METTL16: variants seen among roughly 807,000 people sequenced by gnomAD.
The protein encoded by METTL16 is RNA N(6)-adenosine-methyltransferase METTL16.
METTL16 carries 19 observed loss-of-function variants against 57.9 expected under a neutral mutation model. That is an observed-to-expected ratio of 0.33 (90% CI 0.23 to 0.48). METTL16 has a LOEUF of 0.48. METTL16 is among the 20% of genes least tolerant of loss of function. The probability of loss-of-function intolerance (pLI) is 0.99; values close to 1 mark genes in which losing one functional copy is unlikely to be tolerated. For missense variants in METTL16, 434 were observed against 691.5 expected, an observed-to-expected ratio of 0.63 and a Z score of 4.18; for synonymous variants, 246 against 255.6, an observed-to-expected ratio of 0.96 and a Z score of 0.36.
chr17:2,497,074 C>T (rs1028742589), intron 2 of METTL16, among the ~76,000 whole-genome samples: 7 of 151,466 alleles, frequency 4.6e-5, no homozygotes, highest in Admixed American at 4.6e-4. Flanking sequence ...GGCACAATCT[C>T]GGCTCACTGC....
At chr17:2,425,363 A>C (rs1399440113) in intron 8 of METTL16, among the ~76,000 whole-genome samples, 2 of 152,196 alleles carry the variant, frequency 1.3e-5, no homozygotes, top group Admixed American at 6.6e-5. Flanking sequence ...TCTACCCCAA[A>C]ACCAATCATT....
intron 8 of METTL16, among the ~76,000 whole-genome samples, chr17:2,421,891 G>C (rs528329766): frequency 6.6e-6 from 1 of 152,130 alleles, no homozygotes; most frequent in African/African-American, 2.4e-5. Flanking sequence ...TGACACCGGC[G>C]CTGATGAGAA....
intron 2 of METTL16, among the ~76,000 whole-genome samples, chr17:2,499,642 C>T (rs556900808): frequency 6.6e-6 from 1 of 152,212 alleles, no homozygotes; most frequent in South Asian, 2.1e-4. Flanking sequence ...AAAGAAAATA[C>T]CTGAAGTCCT....
At chr17:2,456,152 A>T (rs72805752) in intron 6 of METTL16, among the ~76,000 whole-genome samples, 1 of 152,036 alleles carries the variant, frequency 6.6e-6, no homozygotes, top group East Asian at 1.9e-4. Context: ...TTTAATTGCA[A>T]AAACGCTGCA....
rs909692416 is a variant in METTL16, at chr17:2,420,303, C to T, written c.1356G>A (p.Glu452=). ...CCGGGTTTTCCTCCTGGGACAGGGA[C>T]TCCTGGCTCGGGCACGGGCCCTCCA... ...AAVEGPCPSQ[E]SLSQEENPEP... is the part of the protein sequence containing the mutation. The change falls in exon 10 of 10, where the codon GAG becomes GAA. Residue 452 remains glutamate, a synonymous_variant. Coordinates refer to ENST00000263092, the MANE Select transcript of METTL16 (RefSeq NM_024086.4). This position sits in a 1 kb window ranked among gnomAD's most constrained non-coding sequence, Gnocchi z 5.4. 1 of 1,612,812 alleles carries T rather than the reference C, an allele frequency of 6.2e-7. No individual in the cohort carries two copies. The highest frequency in any genetic ancestry group is 8.5e-7 in the Non-Finnish European group (1 of 1,180,032).
chr17:2,434,933 T>G (rs571274895), intron 8 of METTL16, among the ~76,000 whole-genome samples: 38 of 152,312 alleles, frequency 2.5e-4, no homozygotes, highest in African/African-American at 8.4e-4. Context: ...CCCCTTTTTC[T>G]CCTAACAAAC....
At chr17:2,471,657 C>T (rs1054462162) in intron 4 of METTL16, among the ~76,000 whole-genome samples, 3 of 151,950 alleles carry the variant, frequency 2.0e-5, no homozygotes, top group Admixed American at 6.6e-5. Context: ...GGCACGGTGG[C>T]GGGCGCCTGT....
chr17:2,492,092 T>A (rs1379684891), intron 2 of METTL16, among the ~76,000 whole-genome samples: 2 of 150,662 alleles, frequency 1.3e-5, no homozygotes, highest in Non-Finnish European at 2.9e-5. Context: ...GTGCCTGTAG[T>A]CCCAGCTACT....
At chr17:2,473,705 G>A (rs1376468147) in intron 3 of METTL16, 41 bp from the exon 4 acceptor site, 2 of 1,586,640 alleles carry the variant, frequency 1.3e-6, no homozygotes, top group Non-Finnish European at 8.6e-7. Flanking sequence ...ACACACCAGA[G>A]GGAAAGGTTA....
chr17:2,432,983 C>T (rs893214861), intron 8 of METTL16, among the ~76,000 whole-genome samples: 4 of 152,208 alleles, frequency 2.6e-5, no homozygotes, highest in Admixed American at 1.3e-4. Context: ...GCCTTTTCCA[C>T]ACCTATGCAA....
intron 1 of METTL16, among the ~76,000 whole-genome samples, chr17:2,507,496 G>A (rs1253180443): frequency 2.8e-5 from 4 of 144,790 alleles, no homozygotes; most frequent in South Asian, 2.2e-4. Flanking sequence ...CTGTCCGGGA[G>A]GGAGGTGGGG....
At chr17:2,461,723 C>A (rs952343225) in intron 6 of METTL16, among the ~76,000 whole-genome samples, 1 of 151,872 alleles carries the variant, frequency 6.6e-6, no homozygotes, top group Non-Finnish European at 1.5e-5. Flanking sequence ...ATTACAGGCG[C>A]CTGCCACCAC....
intron 6 of METTL16, among the ~76,000 whole-genome samples, chr17:2,456,189 A>T (rs1354667832): frequency 6.6e-6 from 1 of 152,112 alleles, no homozygotes; most frequent in African/African-American, 2.4e-5. Flanking sequence ...CTGGTACACC[A>T]TCTGTCCCCA....
At position 2,491,672 on chromosome 17, in the gene METTL16, G is replaced by A. The variant is rs184990816; in HGVS notation, c.128+10532C>T. On this transcript the variant is annotated intron_variant, in intron 2 of 9. Coordinates refer to ENST00000263092, the MANE Select transcript of METTL16 (RefSeq NM_024086.4). The stretch of plus-strand genomic sequence containing the variant: ...GGGTGAATCACGAGGTCAGGAGATG[G>A]AGACCATCCTGGCTAACACGGTGAA... Among the ~76,000 whole-genome samples, 79 of 151,850 alleles carry A rather than the reference G, an allele frequency of 5.2e-4. No homozygotes were observed. In the East Asian group the frequency reaches 9.1e-3, roughly 18 times the overall value.
chr17:2,477,652 C>T, intron 3 of METTL16, 34 bp downstream of exon 3: 1 of 1,510,986 alleles, frequency 6.6e-7, no homozygotes, highest in Non-Finnish European at 9.2e-7. Flanking sequence ...CTTATGAAAA[C>T]TGTTTAGCCA....
intron 7 of METTL16, among the ~76,000 whole-genome samples, chr17:2,439,147 T>C (rs1261821285): frequency 6.6e-6 from 1 of 152,164 alleles, no homozygotes; most frequent in African/African-American, 2.4e-5. Context: ...TCTCGCTCTG[T>C]CGTCCAGATT....
chr17:2,497,813 AC>A (rs1321863057), intron 2 of METTL16, among the ~76,000 whole-genome samples: 2 of 150,762 alleles, frequency 1.3e-5, no homozygotes, highest in Admixed American at 6.6e-5. Context: ...TGCAGCCTTG[AC>A]CCCCTGGGCT....
intron 5 of METTL16, 106 bp downstream of exon 5, chr17:2,467,655 T>A (rs2067210035): frequency 1.3e-6 from 1 of 761,422 alleles, no homozygotes; most frequent in Non-Finnish European, 2.3e-6. Context: ...CTCAAACTCC[T>A]GACTTCATGA....
chr17:2,448,218 C>G (rs1407683486), intron 6 of METTL16, among the ~76,000 whole-genome samples: 4 of 144,526 alleles, frequency 2.8e-5, no homozygotes, highest in Admixed American at 7.0e-5. Context: ...CCCCTCTGCC[C>G]GGCCACGACC....
Sources: gnomAD v4.1 joint callset for allele counts (sites outside exome capture counted in the v4.1 genomes callset) on GRCh38, gnomAD v4.1.1 for gene constraint, Gnocchi (gnomAD v3.1) non-coding constraint, MANE v1.5 for transcripts, NCBI Gene and HGNC (gene_info 2026-07-23, HGNC 2026-07-21) for gene names.